The following CTTNBP2 variants were observed in gnomAD, a reference collection of about 807,000 sequenced individuals.
CTTNBP2 encodes the protein cortactin binding protein 2.
CTTNBP2 carries 108 observed loss-of-function variants against 156.9 expected under a neutral mutation model. The observed-to-expected ratio is 0.69, with a 90% CI of 0.59 to 0.81. The LOEUF is 0.81. CTTNBP2 is among the 30% of genes least tolerant of loss of function. The pLI, the probability that CTTNBP2 is intolerant of heterozygous loss-of-function variation, is 0.00. For synonymous variants in CTTNBP2, 767 were observed against 751.8 expected, an observed-to-expected ratio of 1.02 and a Z score of -0.33; for missense variants, 1,924 against 2,035.4, an observed-to-expected ratio of 0.95 and a Z score of 1.05.
intron 2 of CTTNBP2, among the ~76,000 whole-genome samples, chr7:117,839,703 G>C (rs1802162238): frequency 1.3e-5 from 2 of 152,172 alleles, no homozygotes; most frequent in African/African-American, 4.8e-5. Context: ...CCCAGTTTTA[G>C]TTCTACTTCC....
intron 2 of CTTNBP2, among the ~76,000 whole-genome samples, chr7:117,817,389 A>T (rs1216750587): frequency 3.6e-4 from 27 of 74,328 alleles, no homozygotes; most frequent in African/African-American, 7.5e-4. Context: ...TATATATATA[A>T]TTTCATCAGA....
intron 2 of CTTNBP2, among the ~76,000 whole-genome samples, chr7:117,832,769 T>TA (rs1487093583): frequency 7.6e-6 from 1 of 132,340 alleles, no homozygotes; most frequent in African/African-American, 3.0e-5. Context: ...TTTTTTGAGA[T>TA]AGAGTCTCAC....
intron 2 of CTTNBP2, among the ~76,000 whole-genome samples, chr7:117,845,253 G>A (rs1802516574): frequency 6.6e-6 from 1 of 152,142 alleles, no homozygotes; most frequent in African/African-American, 2.4e-5. Context: ...AAGAACTGAG[G>A]TTTCAGTAAA....
intron 2 of CTTNBP2, among the ~76,000 whole-genome samples, chr7:117,842,154 C>A (rs1283369825): frequency 6.6e-6 from 1 of 152,132 alleles, no homozygotes; most frequent in Admixed American, 6.5e-5. Context: ...CACATGAGAA[C>A]CCTCTCTACT....
Position 117,780,597 on chromosome 7 carries a change from C to A in CTTNBP2, c.2373-6G>T. 1 of 1,555,386 alleles carries A rather than the reference C, an allele frequency of 6.4e-7. No homozygotes were observed. The highest frequency in any genetic ancestry group is 2.4e-5 in the East Asian group (1 of 42,216). On this transcript the variant is annotated splice_region_variant and splice_polypyrimidine_tract_variant and intron_variant, in intron 6 of 22. Coordinates refer to ENST00000160373, the MANE Select transcript of CTTNBP2 (RefSeq NM_033427.3). ...AAATTAATAATTCTACACACCTAAACACAAGATTAGGATTAATTACATAAA... is the reference window on the plus strand; with the variant it reads ...AAATTAATAATTCTACACACCTAAAAACAAGATTAGGATTAATTACATAAA...
chr7:117,852,823 TTAAAG>T (rs1460669533), intron 2 of CTTNBP2, among the ~76,000 whole-genome samples: 3 of 152,096 alleles, frequency 2.0e-5, no homozygotes, highest in African/African-American at 7.2e-5. Flanking sequence ...CTCGTAGCAA[TTAAAG>T]TAAAGTAAAC....
chr7:117,851,378 C>A (rs946080211), intron 2 of CTTNBP2, among the ~76,000 whole-genome samples: 6 of 152,104 alleles, frequency 3.9e-5, no homozygotes, highest in African/African-American at 1.4e-4. Context: ...AATACCTCCC[C>A]ACCAACCCCC....
chr7:117,722,393 C>G (rs1196455045), intron 19 of CTTNBP2, among the ~76,000 whole-genome samples: 1 of 151,910 alleles, frequency 6.6e-6, no homozygotes, highest in East Asian at 1.9e-4. Context: ...ACTACTGACT[C>G]ATGAATTATA....
chr7:117,748,982 T>C (rs1796483663), intron 12 of CTTNBP2, among the ~76,000 whole-genome samples: 2 of 152,172 alleles, frequency 1.3e-5, no homozygotes, highest in South Asian at 4.1e-4. Context: ...AAACAGGCCC[T>C]AACCAGACAC....
chr7:117,798,363 G>T (rs1026172196), intron 3 of CTTNBP2, among the ~76,000 whole-genome samples: 1 of 152,056 alleles, frequency 6.6e-6, no homozygotes, highest in Non-Finnish European at 1.5e-5. Flanking sequence ...AATAGATTTC[G>T]AAAGGCTAAA....
chr7:117,794,877 CTTTTTTTTTTTTT>C (rs755340586), intron 3 of CTTNBP2, among the ~76,000 whole-genome samples: 4 of 88,322 alleles, frequency 4.5e-5, no homozygotes, highest in Non-Finnish European at 6.4e-5. Context: ...ATATGTATAT[CTTTTTTTTTTTTT>C]TTTTTTTTTT....
chr7:117,864,810 TATTC>T (rs1198001032), intron 1 of CTTNBP2, among the ~76,000 whole-genome samples: 36 of 143,958 alleles, frequency 2.5e-4, no homozygotes, highest in South Asian at 8.6e-4. Flanking sequence ...TATTCATATA[TATTC>T]ATTCAATATA....
intron 1 of CTTNBP2, among the ~76,000 whole-genome samples, chr7:117,867,939 A>G (rs931941718): frequency 6.6e-6 from 1 of 152,184 alleles, no homozygotes; most frequent in African/African-American, 2.4e-5. Flanking sequence ...TAATGGATGT[A>G]ACTAATTTTA....
At chr7:117,738,773 G>A (rs541056000) in intron 14 of CTTNBP2, among the ~76,000 whole-genome samples, 69 of 152,296 alleles carry the variant, frequency 4.5e-4, no homozygotes, top group African/African-American at 1.6e-3. Context: ...GCATGAGGGT[G>A]AGGGCATTGA....
chr7:117,845,976 G>A (rs546561344), intron 2 of CTTNBP2, among the ~76,000 whole-genome samples: 6 of 151,932 alleles, frequency 3.9e-5, no homozygotes, highest in African/African-American at 9.7e-5. Flanking sequence ...TCAGCCTCCC[G>A]AGTAGGTGGG....
chr7:117,778,929 T>C (rs772513211), intron 7 of CTTNBP2, among the ~76,000 whole-genome samples: 2 of 152,182 alleles, frequency 1.3e-5, no homozygotes, highest in Non-Finnish European at 2.9e-5. Flanking sequence ...CTTTAAAAAA[T>C]AATAGGGTAG....
Position 117,784,140 on chromosome 7 carries a change from G to T in CTTNBP2, c.2272+111C>A, listed in dbSNP as rs1798572385. The T allele has an allele frequency of 9.7e-6, 8 of 821,710 alleles. No individual in the cohort carries two copies. In the East Asian group the frequency reaches 2.2e-4, roughly 22 times the overall value. The allele number at this position is 821,710 out of a possible 1,614,324, so 50.9% of individuals were successfully genotyped here. On this transcript the variant is annotated intron_variant, in intron 5 of 22. Coordinates refer to ENST00000160373, the MANE Select transcript of CTTNBP2 (RefSeq NM_033427.3). ...TTAAAAAAACTATCCATTACCACCT[G>T]TAAAAGAAAAATAAAACTAAATTGA...
At chr7:117,726,542 T>C (rs1408411409) in intron 17 of CTTNBP2, among the ~76,000 whole-genome samples, 1 of 152,240 alleles carries the variant, frequency 6.6e-6, no homozygotes, top group African/African-American at 2.4e-5. Context: ...CTCTGCAGCA[T>C]TTCTGCACAT....
At chr7:117,827,250 G>A (rs895126012) in intron 2 of CTTNBP2, among the ~76,000 whole-genome samples, 3 of 152,216 alleles carry the variant, frequency 2.0e-5, no homozygotes, top group African/African-American at 4.8e-5. Flanking sequence ...TCATGTTGTG[G>A]GAGATGAATA....
Sources: allele counts gnomAD v4.1 joint callset (sites outside exome capture counted in the v4.1 genomes callset), GRCh38; gene constraint gnomAD v4.1.1; transcripts MANE v1.5; gene names NCBI Gene and HGNC (gene_info 2026-07-23, HGNC 2026-07-21).